Variants in FUT2 observed in about 807,000 individuals in gnomAD.
FUT2 encodes the protein galactoside alpha-(1,2)-fucosyltransferase 2.
For missense variants in FUT2, 419 were observed against 465.8 expected, an observed-to-expected ratio of 0.90 and a Z score of 0.93; for synonymous variants, 182 against 193.1, an observed-to-expected ratio of 0.94 and a Z score of 0.48.
intron 1 of FUT2, among the ~76,000 whole-genome samples, chr19:48,697,942 C>T (rs902194044): frequency 1.3e-5 from 2 of 151,682 alleles, no homozygotes; most frequent in African/African-American, 4.8e-5. Context: ...GATCCACCCG[C>T]CTCAGCCTAC....
At position 48,705,106 on chromosome 19, in the gene FUT2, C is replaced by CATTTTTTTTT; in HGVS notation, c.*1118_*1119insATTTTTTTTT. On this transcript the variant is annotated 3_prime_UTR_variant, in exon 2 of 2. Transcript: ENST00000425340. ...GAGCTCACTGTTTTCTTTTCTTTTT[C>CATTTTTTTTT]TTTTCTTTTTTTTTTTTTTTTTGAG... 5.5e-6 allele frequency: 1 copy of CATTTTTTTTT among 180,986 alleles called. No homozygotes were observed. The highest frequency in any genetic ancestry group is 1.1e-5 in the Non-Finnish European group (1 of 89,378). 11.2% of individuals were successfully genotyped at this position (180,986 alleles called of 1,614,324 possible). A position where few individuals can be genotyped will look rare whatever the true frequency, so the allele number is the denominator to read the frequency against.
intron 1 of FUT2, among the ~76,000 whole-genome samples, chr19:48,697,550 G>C (rs2032437622): frequency 6.6e-6 from 1 of 151,962 alleles, no homozygotes; most frequent in African/African-American, 2.4e-5. Context: ...AATGCCTTCA[G>C]GCAGAATGGG....
At chr19:48,697,383 A>G (rs977803390) in intron 1 of FUT2, among the ~76,000 whole-genome samples, 2 of 146,830 alleles carry the variant, frequency 1.4e-5, no homozygotes, top group African/African-American at 2.5e-5. Context: ...AGTAAGATAG[A>G]CCAGGTGTGG....
At chr19:48,698,293 C>G (rs998874890) in intron 1 of FUT2, among the ~76,000 whole-genome samples, 1 of 152,042 alleles carries the variant, frequency 6.6e-6, no homozygotes, top group East Asian at 1.9e-4. Context: ...CCTCTTCCTT[C>G]TCTCCTTCCA....
In FUT2 at chr19:48,703,561, G is replaced by T; in HGVS notation, c.605G>T (p.Arg202Leu). The T allele has an allele frequency of 6.2e-7, 1 of 1,613,384 alleles. No homozygotes were observed. Among genetic ancestry groups the T allele is most frequent in the Non-Finnish European group, 8.5e-7 (1 of 1,180,020 alleles). Residue 202 changes from arginine to leucine, a missense_variant, in exon 2 of 2, where the codon CGA (arginine) becomes CTA (leucine). By Grantham distance (102) the Arg-to-Leu change is moderately radical. Transcript: ENST00000425340. ...ACCTTTGTAGGGGTCCATGTTCGCC[G>T]AGGGGACTATGTCCATGTCATGCCA... Reference protein sequence around the residue: ...PGTFVGVHVRRGDYVHVMPKV... With the variant: ...PGTFVGVHVRLGDYVHVMPKV...
chr19:48,702,180 C>A (rs1426787745), intron 1 of FUT2, among the ~76,000 whole-genome samples: 1 of 151,858 alleles, frequency 6.6e-6, no homozygotes, highest in Non-Finnish European at 1.5e-5. Flanking sequence ...GTGGGAAGAT[C>A]ACTTGGGCCT....
chr19:48,705,100 C>CTTTTTATTTTTT lies in FUT2; in HGVS notation c.*1117_*1118insATTTTTTTTTTT. 1 of 174,944 alleles carries CTTTTTATTTTTT rather than the reference C, an allele frequency of 5.7e-6. No individual in the cohort carries two copies. The allele number at this position is 174,944 out of a possible 1,614,324, so 10.8% of individuals were successfully genotyped here. On this transcript the variant is annotated 3_prime_UTR_variant, in exon 2 of 2. Coordinates refer to ENST00000425340, the MANE Select transcript of FUT2 (RefSeq NM_000511.6). ...CCCAGAGAGCTCACTGTTTTCTTTT[C>CTTTTTATTTTTT]TTTTTCTTTTCTTTTTTTTTTTTTT...
In FUT2 at chr19:48,705,090, GTTTTCTTTTCTTTTTC is replaced by G; in HGVS notation, c.*1112_*1127del. On this transcript the variant is annotated 3_prime_UTR_variant, in exon 2 of 2. Transcript: ENST00000425340. ...ATTGTGTCCACCCAGAGAGCTCACT[GTTTTCTTTTCTTTTTC>G]TTTTCTTTTTTTTTTTTTTTTTGAG... 3.9e-6 allele frequency: 1 copy of G among 254,232 alleles called. No homozygotes were observed. Among genetic ancestry groups the G allele is most frequent in the African/African-American group, 3.4e-5 (1 of 29,196 alleles). 15.7% of individuals were successfully genotyped at this position (254,232 alleles called of 1,614,324 possible).
intron 1 of FUT2, among the ~76,000 whole-genome samples, chr19:48,698,465 C>T (rs2032453704): frequency 6.6e-6 from 1 of 151,644 alleles, no homozygotes; most frequent in Non-Finnish European, 1.5e-5. Flanking sequence ...GAGCCTGACT[C>T]TGTCGCCCAG....
rs189504139 is a variant in FUT2, at chr19:48,704,283, G to T, written c.*295G>T. The T allele has an allele frequency of 3.6e-5, 16 of 445,334 alleles. 1 individual carries two copies. The Admixed American group carries it at 5.1e-4, about 14-fold the overall frequency. 27.6% of individuals were successfully genotyped at this position (445,334 alleles called of 1,614,324 possible). On this transcript the variant is annotated 3_prime_UTR_variant, in exon 2 of 2. Transcript: ENST00000425340. ...CTAAAAATACAAAAATTAGCCAGGC[G>T]TGGTGGTGCACACCTGTAATCCCAG... is the stretch of plus-strand genomic sequence containing the variant.
intron 1 of FUT2, among the ~76,000 whole-genome samples, chr19:48,700,332 TA>T (rs200647676): frequency 2.0e-4 from 21 of 102,964 alleles, no homozygotes; most frequent in African/African-American, 3.1e-4. Flanking sequence ...TATTTTATTT[TA>T]TTTTTTTTTT....
intron 1 of FUT2, among the ~76,000 whole-genome samples, chr19:48,697,352 A>C: frequency 1.8e-5 from 1 of 57,028 alleles, no homozygotes. Flanking sequence ...TCTCAAAAAA[A>C]AAAAAAAAAA....
intron 1 of FUT2, among the ~76,000 whole-genome samples, chr19:48,701,887 G>A (rs1335764352): frequency 1.3e-5 from 2 of 151,896 alleles, no homozygotes; most frequent in Non-Finnish European, 2.9e-5. Flanking sequence ...CAGCTACTCA[G>A]GAGGCTGAGA....
chr19:48,699,687 A>T (rs1172618439), intron 1 of FUT2, among the ~76,000 whole-genome samples: 1 of 152,050 alleles, frequency 6.6e-6, no homozygotes, highest in African/African-American at 2.4e-5. Flanking sequence ...ATCCTCAGAG[A>T]GGTGATGTCA....
intron 1 of FUT2, among the ~76,000 whole-genome samples, chr19:48,696,797 G>T (rs759802557): frequency 2.6e-5 from 4 of 152,170 alleles, no homozygotes; most frequent in Non-Finnish European, 5.9e-5. Flanking sequence ...AGCTGCCCGG[G>T]GCACGGGGCG....
At position 48,705,683 on chromosome 19, in the gene FUT2, TC is replaced by T. The variant is rs1331199154; in HGVS notation, c.*1696del. On this transcript the variant is annotated 3_prime_UTR_variant, in exon 2 of 2. Transcript: ENST00000425340. ...TGAAACCCCCCACAGCAGCCTTCCC[TC>T]TCAGAGGATACATTTGTAACCATTA... The T allele has an allele frequency of 7.2e-5, 12 of 167,206 alleles. No homozygotes were observed. Among genetic ancestry groups the T allele is most frequent in the African/African-American group, 2.4e-4 (10 of 41,542 alleles). 10.4% of individuals were successfully genotyped at this position (167,206 alleles called of 1,614,324 possible).
Position 48,704,815 on chromosome 19 carries a change from A to G in FUT2, c.*827A>G, listed in dbSNP as rs866549016. ...GACCCGATAGGAGGCAAAAGAAATGAGACTTCTGGGATTAGTTTAGCCTCA... is the reference window on the plus strand; with the variant it reads ...GACCCGATAGGAGGCAAAAGAAATGGGACTTCTGGGATTAGTTTAGCCTCA... On this transcript the variant is annotated 3_prime_UTR_variant, in exon 2 of 2. Transcript: ENST00000425340. 3.6e-5 allele frequency: 15 copies of G among 413,270 alleles called. No homozygotes were observed. Among genetic ancestry groups the G allele is most frequent in the African/African-American group, 3.1e-4 (15 of 48,618 alleles). 25.6% of individuals were successfully genotyped at this position (413,270 alleles called of 1,614,324 possible).
chr19:48,702,400 C>T (rs1307787932), intron 1 of FUT2, among the ~76,000 whole-genome samples: 1 of 151,768 alleles, frequency 6.6e-6, no homozygotes, highest in Admixed American at 6.6e-5. Flanking sequence ...GAGCAAGATC[C>T]TGTCTCAAAA....
chr19:48,705,099 T>TATTTTTA lies in FUT2; in HGVS notation c.*1111_*1112insATTTTTA. Reference sequence around the variant, plus strand: ...ACCCAGAGAGCTCACTGTTTTCTTTTCTTTTTCTTTTCTTTTTTTTTTTTT... The same window carrying TATTTTTA: ...ACCCAGAGAGCTCACTGTTTTCTTTTATTTTTACTTTTTCTTTTCTTTTTTTTTTTTT... On this transcript the variant is annotated 3_prime_UTR_variant, in exon 2 of 2. Coordinates refer to ENST00000425340, the MANE Select transcript of FUT2 (RefSeq NM_000511.6). 1 of 260,388 alleles carries TATTTTTA rather than the reference T, an allele frequency of 3.8e-6. No individual in the cohort carries two copies. The highest frequency in any genetic ancestry group is 7.6e-6 in the Non-Finnish European group (1 of 131,066). 16.1% of individuals were successfully genotyped at this position (260,388 alleles called of 1,614,324 possible).
Sources: gnomAD v4.1 joint callset for allele counts (sites outside exome capture counted in the v4.1 genomes callset) on GRCh38, gnomAD v4.1.1 for gene constraint, MANE v1.5 for transcripts, NCBI Gene and HGNC (gene_info 2026-07-23, HGNC 2026-07-21) for gene names.